PDE4D: variants seen among roughly 807,000 people sequenced by gnomAD.
PDE4D encodes the protein 3',5'-cyclic-AMP phosphodiesterase 4D.
In PDE4D, 24 loss-of-function variants were observed where a neutral mutation model predicts 87.4. The observed-to-expected ratio is 0.27, with a 90% CI of 0.20 to 0.39. The LOEUF (loss-of-function observed/expected upper bound fraction) is 0.39. PDE4D is among the 10% of genes least tolerant of loss of function. PDE4D has a pLI of 1.00. For missense variants in PDE4D, 714 were observed against 1,041.0 expected (o/e 0.69, Z 4.32); for synonymous variants, 384 against 383.2 (o/e 1.00, Z -0.02).
chr5:59,464,389 G>A (rs1284894490), intron 1 of PDE4D, among the ~76,000 whole-genome samples: 1 of 152,336 alleles, frequency 6.6e-6, no homozygotes, highest in African/African-American at 2.4e-5. Context: ...TGGGACATGC[G>A]GGCAGCAATA....
chr5:60,250,675 A>G (rs920662379), intron 1 of PDE4D, among the ~76,000 whole-genome samples: 1 of 152,046 alleles, frequency 6.6e-6, no homozygotes, highest in Admixed American at 6.6e-5. Flanking sequence ...ATTCATATAA[A>G]TTAGAGCACA....
intron 1 of PDE4D, among the ~76,000 whole-genome samples, chr5:59,876,589 T>C (rs1443949137): frequency 6.6e-6 from 1 of 152,170 alleles, no homozygotes; most frequent in African/African-American, 2.4e-5. Context: ...TGGATTTTTA[T>C]CATAATGTCT....
rs73758898 is a variant in PDE4D at position 59,828,468 on chromosome 5, C to T, written c.455+64700G>A. Among the ~76,000 whole-genome samples the T allele has an allele frequency of 5.6e-3, 852 of 151,956 alleles. 5 individuals are homozygous for T. The highest frequency in any genetic ancestry group is 0.02 in the African/African-American group (824 of 41,466). On this transcript the variant is annotated intron_variant, in intron 1 of 14. Transcript: ENST00000340635. ...TTATTAAATGTTCCAAAGTAATGAC[C>T]TATAGAAGGCAGACCCTTATTTTCA...
chr5:59,776,067 C>T (rs760519971), intron 1 of PDE4D, among the ~76,000 whole-genome samples: 4 of 152,078 alleles, frequency 2.6e-5, no homozygotes, highest in Non-Finnish European at 5.9e-5. Flanking sequence ...TTAAACATAT[C>T]TAAACAATGG....
rs926390671 is a variant in PDE4D at position 59,454,163 on chromosome 5, A to C, written c.456-238195T>G. Among the ~76,000 whole-genome samples, 4 of 152,152 alleles carry C rather than the reference A, an allele frequency of 2.6e-5. No individual in the cohort carries two copies. In the East Asian group the frequency reaches 7.7e-4, roughly 29 times the overall value. On this transcript the variant is annotated intron_variant, in intron 1 of 14. Coordinates refer to ENST00000340635, the MANE Select transcript of PDE4D (RefSeq NM_001104631.2). Reference sequence around the variant, plus strand: ...TGTTGAGAACTACTGCTCTTATATAAAGATTTTTAAAAATATATTACTGCT... The same window carrying C: ...TGTTGAGAACTACTGCTCTTATATACAGATTTTTAAAAATATATTACTGCT...
chr5:60,066,279 GTTGT>G (rs1193229693), intron 2 of PDE4D, among the ~76,000 whole-genome samples: 5 of 151,898 alleles, frequency 3.3e-5, no homozygotes, highest in Admixed American at 1.3e-4. Flanking sequence ...TTTTGATGGG[GTTGT>G]TTGTTTTTTT....
rs1752074787 is a variant in PDE4D, at chr5:59,900,072, T to C, written c.272+88416A>G. 2.0e-5 allele frequency among the ~76,000 whole-genome samples: 3 copies of C among 152,002 alleles called. No individual in the cohort carries two copies. The South Asian group carries it at 6.2e-4, about 32-fold the overall frequency. The stretch of plus-strand genomic sequence containing the variant: ...CTGGCCAACATGGTGAAACCCTGTC[T>C]CTACTAAAAATACAAAAACTAGCCA... On this transcript the variant is annotated intron_variant, in intron 3 of 16. Transcript: ENST00000502484.
intron 1 of PDE4D, among the ~76,000 whole-genome samples, chr5:60,232,080 T>C (rs1222383664): frequency 6.6e-6 from 1 of 151,930 alleles, no homozygotes; most frequent in South Asian, 2.1e-4. Context: ...GTTTGTAACT[T>C]TGTAATCTAT....
intron 1 of PDE4D, among the ~76,000 whole-genome samples, chr5:59,658,363 A>G (rs558774706): frequency 1.3e-5 from 2 of 152,222 alleles, no homozygotes; most frequent in South Asian, 4.1e-4. Flanking sequence ...CATCTACCTA[A>G]GAACCCAAAA....
chr5:59,178,045 G>A lies in PDE4D; in HGVS notation c.808+2550C>T, dbSNP rs917917650. Reference sequence around the variant, plus strand: ...GAGGGTGGGGCCTGAGTGGTCAGCTGCAGAGGGAGGAAAGGCACAAGCACT... The same window carrying A: ...GAGGGTGGGGCCTGAGTGGTCAGCTACAGAGGGAGGAAAGGCACAAGCACT... On this transcript the variant is annotated intron_variant, in intron 5 of 14. Transcript: ENST00000340635. Among the ~76,000 whole-genome samples the A allele has an allele frequency of 2.0e-5, 3 of 152,154 alleles. No individual in the cohort carries two copies. The South Asian group carries it at 6.2e-4, about 32-fold the overall frequency.
intron 1 of PDE4D, among the ~76,000 whole-genome samples, chr5:60,196,830 T>G (rs574216534): frequency 6.6e-6 from 1 of 151,636 alleles, no homozygotes; most frequent in African/African-American, 2.4e-5. Context: ...TAAAGTAAAA[T>G]CTGCTGTCTG....
At chr5:59,998,319 G>A (rs1763700940) in intron 2 of PDE4D, among the ~76,000 whole-genome samples, 1 of 152,100 alleles carries the variant, frequency 6.6e-6, no homozygotes, top group Admixed American at 6.6e-5. Flanking sequence ...TTACAACCTA[G>A]TTTAATGTAG....
chr5:60,288,238 GA>G (rs1349961328), intron 1 of PDE4D, among the ~76,000 whole-genome samples: 2 of 152,188 alleles, frequency 1.3e-5, no homozygotes, highest in Non-Finnish European at 2.9e-5. Context: ...TGTCACAGAT[GA>G]AATATACCGA....
intron 2 of PDE4D, among the ~76,000 whole-genome samples, chr5:59,194,469 A>C (rs554428656): frequency 6.9e-6 from 1 of 145,756 alleles, no homozygotes; most frequent in East Asian, 1.9e-4. Flanking sequence ...ACCCAAAACA[A>C]CACCCATGAA....
intron 5 of PDE4D, among the ~76,000 whole-genome samples, chr5:59,134,945 C>T (rs748087359): frequency 8.5e-5 from 13 of 152,138 alleles, no homozygotes; most frequent in African/African-American, 1.9e-4. Flanking sequence ...GCTGAGTTGG[C>T]GCCTCACAGG....
chr5:59,782,046 T>C (rs62370540), intron 1 of PDE4D, among the ~76,000 whole-genome samples: 10,978 of 152,208 alleles, frequency 0.072, 539 homozygotes, highest in Non-Finnish European at 0.11. Flanking sequence ...GAGTATGTGT[T>C]ATGTTTTTCA....
chr5:59,428,355 T>C (rs1166789952), intron 1 of PDE4D, among the ~76,000 whole-genome samples: 1 of 152,172 alleles, frequency 6.6e-6, no homozygotes, highest in Non-Finnish European at 1.5e-5. Flanking sequence ...TCTGCTTCTT[T>C]GGGTAGGCTG....
intron 1 of PDE4D, among the ~76,000 whole-genome samples, chr5:60,297,055 C>T (rs1015837422): frequency 1.3e-5 from 2 of 152,044 alleles, no homozygotes; most frequent in African/African-American, 4.8e-5. Context: ...CAAGCCTGCA[C>T]GTTCTGCCCA....
intron 1 of PDE4D, among the ~76,000 whole-genome samples, chr5:59,345,924 T>C (rs561191747): frequency 6.6e-6 from 1 of 152,300 alleles, no homozygotes; most frequent in East Asian, 1.9e-4. Flanking sequence ...TATCCAATAA[T>C]GTTCATAATG....
Sources: allele counts gnomAD v4.1 joint callset (sites outside exome capture counted in the v4.1 genomes callset), GRCh38; gene constraint gnomAD v4.1.1; transcripts MANE v1.5; gene names NCBI Gene and HGNC (gene_info 2026-07-23, HGNC 2026-07-21).